The following STPG4 variants were observed in gnomAD, a reference collection of about 807,000 sequenced individuals.
STPG4 encodes sperm-tail PG-rich repeat containing 4.
Under a neutral mutation model 31.5 loss-of-function variants are expected in STPG4, and 41 were observed. The ratio of observed to expected loss-of-function variants is 1.30; its 90% CI spans 1.01 to 1.69. STPG4 has a LOEUF of 1.69. Among genes scored for constraint, STPG4 ranks in the 40% most tolerant of loss-of-function variants. STPG4 has a pLI of 0.00. For synonymous variants in STPG4, 141 were observed against 103.0 expected (o/e 1.37, Z -2.24); for missense variants, 375 against 293.4 (o/e 1.28, Z -2.03).
intron 5 of STPG4, among the ~76,000 whole-genome samples, chr2:47,114,022 T>C (rs150976159): frequency 0.027 from 3,937 of 146,356 alleles, 178 homozygotes; most frequent in African/African-American, 0.093. Flanking sequence ...AAGTGAGACT[T>C]GTCTCAAAAA....
intron 5 of STPG4, among the ~76,000 whole-genome samples, chr2:47,114,931 C>T (rs1233210945): frequency 1.3e-5 from 2 of 152,088 alleles, no homozygotes; most frequent in Admixed American, 1.3e-4. Flanking sequence ...CCATGCCCAG[C>T]TAATTTTGGC....
At chr2:47,122,149 G>A (rs1686285271) in intron 5 of STPG4, among the ~76,000 whole-genome samples, 2 of 152,070 alleles carry the variant, frequency 1.3e-5, no homozygotes, top group South Asian at 4.1e-4. Context: ...ATTTATTTAT[G>A]AATTGTCTAT....
intron 5 of STPG4, among the ~76,000 whole-genome samples, chr2:47,124,752 A>C (rs769308761): frequency 2.0e-5 from 3 of 152,148 alleles, no homozygotes; most frequent in Non-Finnish European, 4.4e-5. Flanking sequence ...TACCTCTTCA[A>C]TATACTGATT....
rs111271920 is a variant in STPG4, at chr2:47,097,598, C to T, written c.520-7224G>A. Among the ~76,000 whole-genome samples the T allele has an allele frequency of 4.2e-3, 634 of 152,276 alleles. 3 individuals carry two copies. Among genetic ancestry groups the T allele is most frequent in the Middle Eastern group, 0.01 (3 of 294 alleles). On this transcript the variant is annotated intron_variant, in intron 5 of 6. Coordinates refer to ENST00000445927, the MANE Select transcript of STPG4 (RefSeq NM_001163561.2). ...TCTTATGGTGGAAGCTTCTGCCCTT[C>T]GCCACGTGCAGATACAGCTAGAAGC...
At position 47,153,002 on chromosome 2, in the gene STPG4, CT is replaced by C. The variant is rs1457063936; in HGVS notation, c.95del (p.Lys32ArgfsTer13). ...ATCCTTCTCTTTCAAAAGAGGAAGT[CT>C]TTTGGGCTGGTTTCTGTTAACAAAC... ...SFITASKPAQ[K>X]TSSFEREGWW... is the part of the protein sequence containing the mutation. On this transcript the variant is annotated frameshift_variant, in exon 2 of 7. Coordinates refer to ENST00000445927, the MANE Select transcript of STPG4 (RefSeq NM_001163561.2). LOFTEE classifies it high-confidence loss of function. 2 of 1,611,740 alleles carry C rather than the reference CT, an allele frequency of 1.2e-6. No homozygotes were observed. Among genetic ancestry groups the C allele is most frequent in the East Asian group, 2.2e-5 (1 of 44,758 alleles).
At chr2:47,108,803 T>A (rs1245011722) in intron 5 of STPG4, 1 of 152,292 alleles carries the variant, frequency 6.6e-6, no homozygotes, top group Non-Finnish European at 1.5e-5. Flanking sequence ...CCCCTGTTCC[T>A]GATTACAGTG....
chr2:47,089,394 T>C (rs1265976642), intron 6 of STPG4, among the ~76,000 whole-genome samples: 1 of 152,186 alleles, frequency 6.6e-6, no homozygotes, highest in Non-Finnish European at 1.5e-5. Context: ...TGGCCTGGGA[T>C]ATAGGCTAAG....
chr2:47,101,790 A>T (rs1479039660), intron 5 of STPG4, among the ~76,000 whole-genome samples: 1 of 151,808 alleles, frequency 6.6e-6, no homozygotes, highest in African/African-American at 2.4e-5. Context: ...TTCATGAGCA[A>T]AGGTGTCACT....
At chr2:47,091,233 C>T (rs1685564371) in intron 5 of STPG4, among the ~76,000 whole-genome samples, 2 of 152,152 alleles carry the variant, frequency 1.3e-5, no homozygotes, top group Admixed American at 1.3e-4. Flanking sequence ...ACAAGCACTC[C>T]TTATGATGCT....
chr2:47,122,922 T>A (rs1365700181), intron 5 of STPG4, among the ~76,000 whole-genome samples: 3 of 152,198 alleles, frequency 2.0e-5, no homozygotes, highest in African/African-American at 7.2e-5. Context: ...GCCTCCCGGA[T>A]TCAAGCCATT....
At chr2:47,128,137 C>A (rs4302259) in intron 5 of STPG4, among the ~76,000 whole-genome samples, 27,865 of 152,050 alleles carry the variant, frequency 0.18, 3,095 homozygotes, top group African/African-American at 0.31. Context: ...AAGATCTGAG[C>A]GAGTTCCCTG....
chr2:47,149,214 A>G (rs915954816), intron 3 of STPG4, among the ~76,000 whole-genome samples: 4 of 152,190 alleles, frequency 2.6e-5, no homozygotes, highest in African/African-American at 9.7e-5. Flanking sequence ...CAGAAAAACT[A>G]TGTTTTCAGA....
At chr2:47,111,988 A>G (rs1312023509) in intron 5 of STPG4, among the ~76,000 whole-genome samples, 1 of 152,212 alleles carries the variant, frequency 6.6e-6, no homozygotes, top group East Asian at 1.9e-4. Context: ...TTTGTTTTTA[A>G]CAAGTGAGAA....
In STPG4 at chr2:47,087,236, A is replaced by G. The variant is rs1685475164; in HGVS notation, c.625-106T>C. ...GATGTGGTGGACAAATTCCCCAAGG[A>G]TGAAGACCAGGGCCACACCAGCCTG... On this transcript the variant is annotated intron_variant, in intron 6 of 6. Transcript: ENST00000445927. 3 of 1,343,606 alleles carry G rather than the reference A, an allele frequency of 2.2e-6. No individual in the cohort carries two copies. In the African/African-American group the frequency reaches 4.4e-5, roughly 20 times the overall value. The allele number at this position is 1,343,606 out of a possible 1,614,324, so 83.2% of individuals were successfully genotyped here.
chr2:47,107,845 G>A (rs550707148), intron 5 of STPG4, among the ~76,000 whole-genome samples: 2 of 152,236 alleles, frequency 1.3e-5, no homozygotes, highest in East Asian at 3.9e-4. Flanking sequence ...ACACCAATTA[G>A]CACCCTGTGT....
Position 47,098,207 on chromosome 2 carries a change from G to A in STPG4, c.520-7833C>T, listed in dbSNP as rs371354118. On this transcript the variant is annotated intron_variant, in intron 5 of 6. Coordinates refer to ENST00000445927, the MANE Select transcript of STPG4 (RefSeq NM_001163561.2). ...CCTCCTCTCTAGCCTGACCCAAAAC[G>A]GGTTCACCAGGCAGCCTTCACTGCT... 4.6e-5 allele frequency among the ~76,000 whole-genome samples: 7 copies of A among 152,166 alleles called. No individual in the cohort carries two copies. In the East Asian group the frequency reaches 7.7e-4, roughly 17 times the overall value.
At chr2:47,153,378 G>T (rs145799276) in intron 1 of STPG4, among the ~76,000 whole-genome samples, 1 of 152,194 alleles carries the variant, frequency 6.6e-6, no homozygotes, top group Non-Finnish European at 1.5e-5. Context: ...TTACCAGCTA[G>T]GTGCACTGGG....
At chr2:47,095,816 G>A (rs1252661912) in intron 5 of STPG4, among the ~76,000 whole-genome samples, 1 of 152,152 alleles carries the variant, frequency 6.6e-6, no homozygotes, top group Non-Finnish European at 1.5e-5. Flanking sequence ...GACTAATCCT[G>A]CGCCAACAGG....
chr2:47,113,866 C>G (rs1266051995), intron 5 of STPG4, among the ~76,000 whole-genome samples: 1 of 151,962 alleles, frequency 6.6e-6, no homozygotes, highest in Non-Finnish European at 1.5e-5. Context: ...AACCCCGTCT[C>G]TACTAAAAAT....
Sources: gnomAD v4.1 joint callset for allele counts (sites outside exome capture counted in the v4.1 genomes callset) on GRCh38, gnomAD v4.1.1 for gene constraint, MANE v1.5 for transcripts, NCBI Gene and HGNC (gene_info 2026-07-23, HGNC 2026-07-21) for gene names.